The following DIAPH2 variants were observed in gnomAD, a reference collection of about 807,000 sequenced individuals.
DIAPH2 encodes protein diaphanous homolog 2.
In DIAPH2, 35 loss-of-function variants were observed where a neutral mutation model predicts 92.7. That is an observed-to-expected ratio of 0.38 (90% CI 0.29 to 0.50). DIAPH2 has a LOEUF of 0.50. Among genes scored for constraint, DIAPH2 ranks in the 20% least tolerant of loss-of-function variants. DIAPH2 has a pLI of 0.94. For synonymous variants in DIAPH2, 301 were observed against 280.4 expected (o/e 1.07, Z -0.73); for missense variants, 701 against 819.5 (o/e 0.86, Z 1.77).
intron 3 of DIAPH2, among the ~76,000 whole-genome samples, chrX:96,756,075 A>G (rs1323126865): frequency 9.0e-6 from 1 of 111,652 alleles, no homozygotes; most frequent in Non-Finnish European, 1.9e-5. Context: ...TATGTTGCCC[A>G]GGCTGGTCTC....
At chrX:96,996,013 A>G (rs966787997) in intron 17 of DIAPH2, among the ~76,000 whole-genome samples, 1 of 111,419 alleles carries the variant, frequency 9.0e-6, no homozygotes, top group African/African-American at 3.3e-5. Context: ...CTAGATTTCT[A>G]TGAAGTGCCA....
At chrX:96,696,737 G>A (rs904710906) in intron 1 of DIAPH2, among the ~76,000 whole-genome samples, 2 of 112,001 alleles carry the variant, frequency 1.8e-5, no homozygotes, top group Admixed American at 9.5e-5. Context: ...CCTTCCCAGA[G>A]ATGATTCTCA....
At chrX:96,720,029 G>A (rs1252891803) in intron 1 of DIAPH2, among the ~76,000 whole-genome samples, 4 of 111,245 alleles carry the variant, frequency 3.6e-5, no homozygotes, top group South Asian at 3.8e-4. Flanking sequence ...TAGACTCCAG[G>A]TATAACCTCT....
chrX:96,820,016 C>A (rs980546346), intron 4 of DIAPH2, among the ~76,000 whole-genome samples: 1 of 112,071 alleles, frequency 8.9e-6, no homozygotes, highest in Non-Finnish European at 1.9e-5. Context: ...TCCACGTACA[C>A]CGAAAGTTAT....
rs5903060 is a variant in DIAPH2, at chrX:96,927,282, A to ATT, written c.979-3432_979-3431dup. On this transcript the variant is annotated intron_variant, in intron 9 of 26. Transcript: ENST00000324765. The stretch of plus-strand genomic sequence containing the variant: ...GATTATTTTCTGTCTCTGGAGTTGA[A>ATT]TTTTTTTTTTTTTTTTTTTTGGAAA... 2.7e-4 allele frequency among the ~76,000 whole-genome samples: 22 copies of ATT among 82,128 alleles called. 1 individual carries two copies. Among genetic ancestry groups the ATT allele is most frequent in the African/African-American group, 8.5e-4 (19 of 22,480 alleles). 71.3% of individuals were successfully genotyped at this position (82,128 alleles called of 115,157 possible).
chrX:97,456,513 A>T (rs745326823), intron 26 of DIAPH2, among the ~76,000 whole-genome samples: 1 of 111,887 alleles, frequency 8.9e-6, no homozygotes, highest in Non-Finnish European at 1.9e-5. Flanking sequence ...AGTAAGAGAT[A>T]AGATATGTAT....
chrX:97,070,364 T>C (rs1478917419), intron 17 of DIAPH2, among the ~76,000 whole-genome samples: 1 of 111,929 alleles, frequency 8.9e-6, no homozygotes, highest in Non-Finnish European at 1.9e-5. Flanking sequence ...ATAGAATTGC[T>C]ATTTATTTAA....
intron 23 of DIAPH2, among the ~76,000 whole-genome samples, chrX:97,255,853 A>G (rs1433103552): frequency 8.9e-6 from 1 of 111,977 alleles, no homozygotes; most frequent in East Asian, 2.8e-4. Flanking sequence ...CTCTTTGAAG[A>G]GTTTTGCTTG....
intron 23 of DIAPH2, among the ~76,000 whole-genome samples, chrX:97,276,060 C>T (rs193208735): frequency 1.6e-3 from 186 of 112,770 alleles, no homozygotes; most frequent in Non-Finnish European, 2.7e-3. Context: ...AGATCACTCG[C>T]GGTTAAGAGC....
chrX:97,597,805 G>A (rs909963665), intron 26 of DIAPH2, among the ~76,000 whole-genome samples: 1 of 111,504 alleles, frequency 9.0e-6, no homozygotes, highest in Non-Finnish European at 1.9e-5. Flanking sequence ...ACTAAATAAT[G>A]GATTTTTTAA....
intron 24 of DIAPH2, among the ~76,000 whole-genome samples, chrX:97,353,211 A>G (rs1278636479): frequency 2.7e-5 from 3 of 110,948 alleles, no homozygotes; most frequent in Non-Finnish European, 5.7e-5. Context: ...TCTCCTTTCT[A>G]TGCTTCAGTC....
chrX:96,918,595 A>C lies in DIAPH2; in HGVS notation c.956A>C (p.Asn319Thr), dbSNP rs1006232827. 1 of 1,199,658 alleles carries C rather than the reference A, an allele frequency of 8.3e-7. No homozygotes were observed. Among genetic ancestry groups the C allele is most frequent in the Admixed American group, 2.2e-5 (1 of 45,068 alleles). The change falls in exon 9 of 27, where the codon AAT (asparagine) becomes ACT (threonine). Residue 319 changes from asparagine (N) to threonine (T), a missense_variant. Asn to Thr is a moderately conservative substitution (Grantham distance 65, BLOSUM62 0). Around this residue, in one of 3 missense-constraint regions of DIAPH2, gnomAD observed 536 missense variants for 599.3 expected, o/e 0.89. Transcript: ENST00000324765. Reference sequence around the variant, plus strand: ...TCACCAATTGTGGAAGGTTTAGAAAATCAGGAAGCCTTGCAATTACAGGTG... The same window carrying C: ...TCACCAATTGTGGAAGGTTTAGAAACTCAGGAAGCCTTGCAATTACAGGTG... The part of the protein sequence containing the change: ...RFSPIVEGLE[N>T]QEALQLQVAC...
intron 26 of DIAPH2, among the ~76,000 whole-genome samples, chrX:97,454,911 A>C (rs1018093663): frequency 7.2e-5 from 8 of 111,844 alleles, no homozygotes; most frequent in African/African-American, 2.6e-4. Context: ...TGAGCATAGA[A>C]CAGTTTTGGT....
intron 5 of DIAPH2, among the ~76,000 whole-genome samples, chrX:96,886,429 C>T (rs2065262660): frequency 9.0e-6 from 1 of 110,509 alleles, no homozygotes; most frequent in Non-Finnish European, 1.9e-5. Context: ...GCCAGTACTC[C>T]GTACTTTCAG....
chrX:97,408,733 G>A (rs1473920294), intron 25 of DIAPH2, among the ~76,000 whole-genome samples: 1 of 111,861 alleles, frequency 8.9e-6, no homozygotes, highest in Non-Finnish European at 1.9e-5. Context: ...AACTTGGCAA[G>A]TGTAAAGTAT....
intron 23 of DIAPH2, among the ~76,000 whole-genome samples, chrX:97,288,878 T>C (rs1284061312): frequency 9.0e-6 from 1 of 111,582 alleles, no homozygotes; most frequent in African/African-American, 3.3e-5. Context: ...ACGTGTCATA[T>C]ATTTCAGGTG....
At chrX:97,334,472 A>AAAAAAACAAAAAAC (rs556402138) in intron 23 of DIAPH2, among the ~76,000 whole-genome samples, 2 of 84,445 alleles carry the variant, frequency 2.4e-5, no homozygotes, top group Admixed American at 1.5e-4. Flanking sequence ...CAAAAAAAAA[A>AAAAAAACAAAAAAC]AAAAAACAAA....
chrX:96,882,969 AAAAAAAAAAAAAAACAAAAAAAC>A (rs2065226101), intron 5 of DIAPH2, among the ~76,000 whole-genome samples: 5 of 76,997 alleles, frequency 6.5e-5, no homozygotes, highest in Non-Finnish European at 8.9e-5. Context: ...CAAAAAAAAA[AAAAAAAAAAAAAAACAAAAAAAC>A]AAAAATCCGG....
At chrX:97,142,376 T>A (rs1424116819) in intron 22 of DIAPH2, among the ~76,000 whole-genome samples, 1 of 111,269 alleles carries the variant, frequency 9.0e-6, no homozygotes, top group East Asian at 2.8e-4. Context: ...AGAGGTTTGC[T>A]TTCCAGAGAG....
Sources: gnomAD v4.1 joint callset for allele counts (sites outside exome capture counted in the v4.1 genomes callset) on GRCh38, gnomAD v4.1.1 for gene constraint, gnomAD v4.1.1 regional missense constraint, MANE v1.5 for transcripts, NCBI Gene and HGNC (gene_info 2026-07-23, HGNC 2026-07-21) for gene names.